The following ENDOV variants were observed in gnomAD, a reference collection of about 807,000 sequenced individuals.
The protein encoded by ENDOV is hEndoV.
ENDOV carries 37 observed loss-of-function variants against 39.4 expected under a neutral mutation model. The observed-to-expected ratio is 0.94, with a 90% CI of 0.72 to 1.23. ENDOV has a LOEUF of 1.23. ENDOV is among the 50% of genes most tolerant of loss of function. The pLI is 0.00. For synonymous variants in ENDOV, 186 were observed against 163.4 expected, an observed-to-expected ratio of 1.14 and a Z score of -1.05; for missense variants, 441 against 375.7, an observed-to-expected ratio of 1.17 and a Z score of -1.44.
At chr17:80,419,831 T>C in intron 2 of ENDOV, 2 of 614,096 alleles carry the variant, frequency 3.3e-6, no homozygotes, top group Non-Finnish European at 6.0e-6. Flanking sequence ...TAGACCTAAC[T>C]GTCACCCACG....
chr17:80,422,990 C>T (rs1434868370), intron 4 of ENDOV, among the ~76,000 whole-genome samples: 4 of 151,196 alleles, frequency 2.6e-5, no homozygotes, highest in Non-Finnish European at 4.4e-5. Context: ...TGAGCCACCG[C>T]GCCCGGCCTA....
At chr17:80,418,815 G>A (rs369817661) in intron 2 of ENDOV, 56 of 152,218 alleles carry the variant, frequency 3.7e-4, no homozygotes, top group African/African-American at 1.2e-3. Flanking sequence ...CAAAACCATC[G>A]CATTATATGT....
At chr17:80,428,733 C>T in intron 8 of ENDOV, 73 bp downstream of exon 8, 1 of 1,419,510 alleles carries the variant, frequency 7.0e-7, no homozygotes, top group Non-Finnish European at 9.7e-7. Flanking sequence ...TCCGGTGGCT[C>T]AGCCTCTCCT....
chr17:80,430,135 G>A, intron 9 of ENDOV: 1 of 1,524,304 alleles, frequency 6.6e-7, no homozygotes, highest in Non-Finnish European at 8.8e-7. Flanking sequence ...GGTGACCACG[G>A]CCCCTCTTTG....
At chr17:80,415,926 T>C in intron 2 of ENDOV, 105 bp downstream of exon 2, 1 of 1,406,006 alleles carries the variant, frequency 7.1e-7, no homozygotes, top group Non-Finnish European at 9.6e-7. Flanking sequence ...CTTCTCGTTT[T>C]GTAGGATGTC....
At chr17:80,419,381 G>A (rs2081647538) in intron 2 of ENDOV, 3 of 556,838 alleles carry the variant, frequency 5.4e-6, no homozygotes, top group Middle Eastern at 3.1e-4. Flanking sequence ...AGCCCGTTCT[G>A]TGCCAGATGC....
In ENDOV at chr17:80,425,584, C is replaced by T; in HGVS notation, c.678C>T (p.Cys226=). The T allele has an allele frequency of 1.9e-6, 3 of 1,591,146 alleles. No individual in the cohort carries two copies. The change falls in exon 7 of 10, where the codon TGC becomes TGT. Residue 226 remains cysteine (C), a synonymous_variant. Transcript: ENST00000518137. The part of the protein sequence containing the change: ...SLEAAVRLTC[C]CCRFRIPEPV... ...AGGCCGCTGTGCGCCTGACTTGCTG[C>T]TGCTGCAGGTTCCGGATCCCAGAGC...
chr17:80,425,199 C>T, intron 6 of ENDOV, 99 bp downstream of exon 6: 1 of 1,032,536 alleles, frequency 9.7e-7, no homozygotes, highest in Non-Finnish European at 1.4e-6. Flanking sequence ...CTCACACTTG[C>T]CCACATCAAC....
At chr17:80,431,728 T>C (rs1330547343) in intron 9 of ENDOV, among the ~76,000 whole-genome samples, 1 of 152,178 alleles carries the variant, frequency 6.6e-6, no homozygotes, top group Non-Finnish European at 1.5e-5. Context: ...ACCGGTGGAC[T>C]GAGGCTCCCC....
chr17:80,428,777 A>T, intron 8 of ENDOV, 117 bp downstream of exon 8: 1 of 1,007,554 alleles, frequency 9.9e-7, no homozygotes, highest in Non-Finnish European at 1.5e-6. Flanking sequence ...CAGACAGTGC[A>T]GGGCCAGGGA....
rs2083619283 is a variant in ENDOV, at chr17:80,437,148, GTCC to G, written c.*1010_*1012del. ...TCTGGCCGTGCATGGTTTTGGGAGA[GTCC>G]TCCTTGACTCTGCAGATGCTGAGCA... On this transcript the variant is annotated 3_prime_UTR_variant, in exon 10 of 10. Coordinates refer to ENST00000518137, the MANE Select transcript of ENDOV (RefSeq NM_173627.5). The G allele has an allele frequency of 6.5e-6, 1 of 152,750 alleles. No homozygotes were observed. 9.5% of individuals were successfully genotyped at this position (152,750 alleles called of 1,614,324 possible). A position where few individuals can be genotyped will look rare whatever the true frequency, so the allele number is the denominator to read the frequency against.
chr17:80,427,405 C>G, intron 7 of ENDOV: 1 of 985,034 alleles, frequency 1.0e-6, no homozygotes, highest in Non-Finnish European at 1.2e-6. Context: ...CCCATCCTTG[C>G]AAGGGAGGGG....
intron 2 of ENDOV, among the ~76,000 whole-genome samples, chr17:80,416,534 C>T (rs1440911059): frequency 1.3e-5 from 2 of 152,146 alleles, no homozygotes; most frequent in East Asian, 3.9e-4. Context: ...CCCCTCTGCT[C>T]CTTCCCTGGC....
At chr17:80,429,745 GCTGTCC>G in intron 8 of ENDOV, 22 bp from the exon 9 acceptor site, 1 of 1,587,296 alleles carries the variant, frequency 6.3e-7, no homozygotes, top group South Asian at 1.1e-5. Context: ...AGCATCTGAT[GCTGTCC>G]CTTTCTCAAT....
Position 80,415,685 on chromosome 17 carries a change from G to C in ENDOV, c.92G>C (p.Arg31Pro), listed in dbSNP as rs760794018. 1.2e-6 allele frequency: 2 copies of C among 1,612,228 alleles called. No homozygotes were observed. The highest frequency in any genetic ancestry group is 4.5e-5 in the East Asian group (2 of 44,786). The part of the protein sequence containing the change: ...QARLKAHVVD[R>P]DTEAWQRDPA... ...CGGCTGAAGGCCCACGTCGTAGACC[G>C]GGACACCGAGGCGTGGCAGCGAGAC... is the stretch of plus-strand genomic sequence containing the variant. The change falls in exon 2 of 10, where the codon CGG (arginine) becomes CCG (proline). Residue 31 changes from arginine (R) to proline (P), a missense_variant. By Grantham distance (103) the Arg-to-Pro change is moderately radical. Transcript: ENST00000518137.
chr17:80,436,334 A>C lies in ENDOV; in HGVS notation c.*191A>C. Reference sequence around the variant, plus strand: ...TGATCGAACGTGGTGGTGAGAGCACACGTCCTTGTCTTGTTCCTGATCTTA... The same window carrying C: ...TGATCGAACGTGGTGGTGAGAGCACCCGTCCTTGTCTTGTTCCTGATCTTA... On this transcript the variant is annotated 3_prime_UTR_variant, in exon 10 of 10. Transcript: ENST00000518137. The C allele has an allele frequency of 1.3e-6, 2 of 1,558,022 alleles. No individual in the cohort carries two copies. Among genetic ancestry groups the C allele is most frequent in the Non-Finnish European group, 1.7e-6 (2 of 1,156,136 alleles).
intron 2 of ENDOV, among the ~76,000 whole-genome samples, chr17:80,421,509 A>G (rs1599352857): frequency 9.4e-6 from 1 of 106,654 alleles, no homozygotes; most frequent in African/African-American, 3.7e-5. Context: ...GCTGCTATGG[A>G]CCAGGTCCCG....
intron 8 of ENDOV, 69 bp from the exon 9 acceptor site, chr17:80,429,704 C>T: frequency 6.9e-7 from 1 of 1,456,642 alleles, no homozygotes; most frequent in South Asian, 1.3e-5. Flanking sequence ...CAGACCCCAT[C>T]TGGGGTGTGA....
chr17:80,422,761 G>A (rs2082214452), intron 4 of ENDOV, among the ~76,000 whole-genome samples: 3 of 151,854 alleles, frequency 2.0e-5, no homozygotes, highest in South Asian at 4.1e-4. Flanking sequence ...GTGCAGTGGC[G>A]CGATCTCGGC....
Sources: gnomAD v4.1 joint callset for allele counts (sites outside exome capture counted in the v4.1 genomes callset) on GRCh38, gnomAD v4.1.1 for gene constraint, MANE v1.5 for transcripts, NCBI Gene and HGNC (gene_info 2026-07-23, HGNC 2026-07-21) for gene names.